Variants in UBE2E1 observed in about 807,000 individuals in gnomAD.
UBE2E1 encodes ubiquitin conjugating enzyme E2 E1, also known as ubiquitin-conjugating enzyme E2 E1.
A neutral mutation model predicts 21.4 loss-of-function variants in UBE2E1; 6 were observed. The observed-to-expected ratio is 0.28, with a 90% confidence interval of 0.15 to 0.55. The LOEUF is 0.55. Among genes scored for constraint, UBE2E1 ranks in the 20% least tolerant of loss-of-function variants. The probability of loss-of-function intolerance (pLI) is 0.93; values close to 1 mark genes in which losing one functional copy is unlikely to be tolerated. For synonymous variants in UBE2E1, 87 were observed against 82.7 expected (o/e 1.05, Z -0.28); for missense variants, 142 against 236.5 (o/e 0.60, Z 2.62).
At chr3:23,857,376 A>G (rs1200239128) in intron 3 of UBE2E1, among the ~76,000 whole-genome samples, 1 of 152,166 alleles carries the variant, frequency 6.6e-6, no homozygotes, top group Non-Finnish European at 1.5e-5. Flanking sequence ...CATTTTTGTG[A>G]AATGAAAGAA....
In UBE2E1 at chr3:23,890,535, A is replaced by T. The variant is rs746340000; in HGVS notation, c.511A>T (p.Thr171Ser). 6.2e-7 allele frequency: 1 copy of T among 1,613,158 alleles called. No homozygotes were observed. Among genetic ancestry groups the T allele is most frequent in the Non-Finnish European group, 8.5e-7 (1 of 1,179,640 alleles). Residue 171 changes from threonine to serine, a missense_variant, in exon 6 of 6, where the codon ACT becomes TCT. Physicochemically the swap from Thr to Ser is moderately conservative, Grantham distance 58. Around this residue, in one of 2 missense-constraint regions of UBE2E1, gnomAD observed 87 missense variants for 184.9 expected, o/e 0.47. Transcript: ENST00000306627. ...CGACCCCTTGGTGGGAAGTATTGCC[A>T]CTCAGTATATGACCAACAGAGCAGA... The part of the protein sequence containing the change: ...PADPLVGSIA[T>S]QYMTNRAEHD...
At chr3:23,854,064 T>C (rs748537560) in intron 3 of UBE2E1, among the ~76,000 whole-genome samples, 1 of 151,852 alleles carries the variant, frequency 6.6e-6, no homozygotes, top group Non-Finnish European at 1.5e-5. Context: ...TTGAGACCAG[T>C]CTGGCCAACA....
In UBE2E1 at chr3:23,842,198, G is replaced by GTGTGTGTGTGTGTGTGTGTGT. The variant is rs1553637705; in HGVS notation, c.203+30688_203+30689insTGTGTGTGTGTGTGTGTGTGT. On this transcript the variant is annotated intron_variant, in intron 3 of 5. Coordinates refer to ENST00000306627, the MANE Select transcript of UBE2E1 (RefSeq NM_003341.5). The surrounding 1 kb of genome is among the most constrained non-coding windows in gnomAD (Gnocchi z 4.6). ...TATGTCATGACCCAGTAAGTGAAGG[G>GTGTGTGTGTGTGTGTGTGTGT]GTGTGTGTGTGTGTGTGTGTGTGTG... Among the ~76,000 whole-genome samples, 39 of 104,356 alleles carry GTGTGTGTGTGTGTGTGTGTGT rather than the reference G, an allele frequency of 3.7e-4. 2 individuals carry two copies. The highest frequency in any genetic ancestry group is 1.0e-3 in the South Asian group (3 of 2,928). 68.5% of individuals were successfully genotyped at this position (104,356 alleles called of 152,430 possible). A position where few individuals can be genotyped will look rare whatever the true frequency, so the allele number is the denominator to read the frequency against.
intron 3 of UBE2E1, among the ~76,000 whole-genome samples, chr3:23,830,081 T>G (rs1559479244): frequency 6.6e-6 from 1 of 152,224 alleles, no homozygotes; most frequent in African/African-American, 2.4e-5. Flanking sequence ...GGAAAAATCA[T>G]GCATATATTA....
At chr3:23,890,322 T>C (rs1307607948) in intron 5 of UBE2E1, among the ~76,000 whole-genome samples, 187 bp from the exon 6 acceptor site, 1 of 152,218 alleles carries the variant, frequency 6.6e-6, no homozygotes, top group African/African-American at 2.4e-5. Flanking sequence ...AAGCATTCCC[T>C]CTTCCCCCAA....
At position 23,890,628 on chromosome 3, in the gene UBE2E1, C is replaced by T. The variant is rs767496679; in HGVS notation, c.*22C>T. 1.7e-5 allele frequency: 27 copies of T among 1,588,178 alleles called. No homozygotes were observed. The African/African-American group carries it at 3.0e-4, about 17-fold the overall frequency. ...ATAAATTGGGGTTTCACAATTCTTA[C>T]ATTATTTGTCTGTCACAGAAGAGAG... On this transcript the variant is annotated 3_prime_UTR_variant, in exon 6 of 6. Coordinates refer to ENST00000306627, the MANE Select transcript of UBE2E1 (RefSeq NM_003341.5).
chr3:23,811,407 C>T, intron 2 of UBE2E1, 53 bp from the exon 3 acceptor site: 1 of 1,587,242 alleles, frequency 6.3e-7, no homozygotes, highest in Non-Finnish European at 8.7e-7. Context: ...AGGTGGGAGG[C>T]TTCCGCGCCT....
chr3:23,838,033 TATATA>T (rs1249180986), intron 3 of UBE2E1, among the ~76,000 whole-genome samples: 2 of 152,102 alleles, frequency 1.3e-5, no homozygotes, highest in Non-Finnish European at 2.9e-5. Context: ...ACTTTAAAAA[TATATA>T]ATAGGGGTTT....
intron 3 of UBE2E1, among the ~76,000 whole-genome samples, chr3:23,828,537 A>G (rs1699801226): frequency 6.6e-6 from 1 of 152,198 alleles, no homozygotes; most frequent in African/African-American, 2.4e-5. Context: ...TGATGCATAT[A>G]GATAGAAGTT....
intron 3 of UBE2E1, among the ~76,000 whole-genome samples, chr3:23,828,428 G>A (rs912101347): frequency 5.3e-5 from 8 of 152,308 alleles, no homozygotes; most frequent in African/African-American, 1.7e-4. Context: ...TATACTTAGT[G>A]ATTAAAAAGT....
chr3:23,861,584 A>T (rs919876937), intron 3 of UBE2E1, among the ~76,000 whole-genome samples: 1 of 152,016 alleles, frequency 6.6e-6, no homozygotes, highest in African/African-American at 2.4e-5. Context: ...GCCTATAAAA[A>T]CCCCAAGACC....
intron 3 of UBE2E1, among the ~76,000 whole-genome samples, chr3:23,834,948 G>A (rs1162593245): frequency 6.6e-6 from 1 of 152,080 alleles, no homozygotes; most frequent in Middle Eastern, 3.2e-3. Context: ...TCCCTGTAAT[G>A]CATAAAAAGC....
rs528357830 is a variant in UBE2E1, at chr3:23,836,507, C to T, written c.203+24997C>T. Reference sequence around the variant, plus strand: ...AGCAATAGAAGAGATGTGTGTGTTCCTCTGAAAACTGCAAGGTATTTCAGT... The same window carrying T: ...AGCAATAGAAGAGATGTGTGTGTTCTTCTGAAAACTGCAAGGTATTTCAGT... On this transcript the variant is annotated intron_variant, in intron 3 of 5. Coordinates refer to ENST00000306627, the MANE Select transcript of UBE2E1 (RefSeq NM_003341.5). This position sits in a 1 kb window ranked among gnomAD's most constrained non-coding sequence, Gnocchi z 4.1. Among the ~76,000 whole-genome samples, 4 of 152,298 alleles carry T rather than the reference C, an allele frequency of 2.6e-5. No individual in the cohort carries two copies. Among genetic ancestry groups the T allele is most frequent in the African/African-American group, 9.6e-5 (4 of 41,560 alleles).
At chr3:23,886,992 T>C (rs778323752) in intron 3 of UBE2E1, among the ~76,000 whole-genome samples, 8 of 152,208 alleles carry the variant, frequency 5.3e-5, no homozygotes, top group Non-Finnish European at 1.0e-4. Context: ...AACCCAATTA[T>C]AGAATACACA....
At chr3:23,886,180 G>C (rs1701178821) in intron 3 of UBE2E1, among the ~76,000 whole-genome samples, 1 of 152,050 alleles carries the variant, frequency 6.6e-6, no homozygotes, top group South Asian at 2.1e-4. Flanking sequence ...TTCCAGCCTG[G>C]GTAGCAGATC....
At chr3:23,837,183 G>T (rs1031518668) in intron 3 of UBE2E1, among the ~76,000 whole-genome samples, 11 of 152,164 alleles carry the variant, frequency 7.2e-5, no homozygotes, top group African/African-American at 2.7e-4. Context: ...CTCACAGTAA[G>T]CACTAACACT....
chr3:23,890,405 T>G lies in UBE2E1; in HGVS notation c.485-104T>G, dbSNP rs753162553. 1,036 of 1,025,190 alleles carry G rather than the reference T, an allele frequency of 1.0e-3. 12 individuals are homozygous for G. The highest frequency in any genetic ancestry group is 2.4e-4 in the Non-Finnish European group (168 of 712,384). 63.5% of individuals were successfully genotyped at this position (1,025,190 alleles called of 1,614,324 possible). A position where few individuals can be genotyped will look rare whatever the true frequency, so the allele number is the denominator to read the frequency against. ...AGTGGTGTTTCGAAGATGGGTTTGA[T>G]CACACATACTTTGTCGTACGTATCT... On this transcript the variant is annotated intron_variant, in intron 5 of 5. Transcript: ENST00000306627.
At chr3:23,812,728 C>A (rs1271907674) in intron 3 of UBE2E1, among the ~76,000 whole-genome samples, 2 of 152,108 alleles carry the variant, frequency 1.3e-5, no homozygotes, top group African/African-American at 4.8e-5. Context: ...AGTGGAAAAA[C>A]CATAAGACTT....
At chr3:23,878,324 C>T (rs184579917) in intron 3 of UBE2E1, among the ~76,000 whole-genome samples, 15 of 152,334 alleles carry the variant, frequency 9.8e-5, no homozygotes, top group Admixed American at 8.5e-4. Flanking sequence ...CCAGAGAAAA[C>T]CTACTCCCCA....
Sources: gnomAD v4.1 joint callset for allele counts (sites outside exome capture counted in the v4.1 genomes callset) on GRCh38, gnomAD v4.1.1 for gene constraint, gnomAD v4.1.1 regional missense constraint, Gnocchi (gnomAD v3.1) non-coding constraint, MANE v1.5 for transcripts, NCBI Gene and HGNC (gene_info 2026-07-23, HGNC 2026-07-21) for gene names.